Variants in GPR137B observed in about 807,000 individuals in gnomAD.
GPR137B encodes the protein G protein-coupled receptor 137B.
GPR137B carries 42 observed loss-of-function variants against 42.5 expected under a neutral mutation model. The observed-to-expected ratio is 0.99, with a 90% confidence interval of 0.77 to 1.28. GPR137B has a LOEUF of 1.28. Among genes scored for constraint, GPR137B ranks in the 50% most tolerant of loss-of-function variants. The pLI, the probability that GPR137B is intolerant of heterozygous loss-of-function variation, is 0.00. For missense variants in GPR137B, 487 were observed against 493.9 expected (o/e 0.99, Z 0.13); for synonymous variants, 218 against 209.7 (o/e 1.04, Z -0.34).
intron 1 of GPR137B, among the ~76,000 whole-genome samples, chr1:236,158,801 C>T (rs1238950270): frequency 1.3e-5 from 2 of 152,162 alleles, no homozygotes; most frequent in Non-Finnish European, 2.9e-5. Context: ...GAAGTGGAGA[C>T]ACTAGGGTGT....
rs535163022 is a variant in GPR137B, at chr1:236,202,571, A to T, written c.967-2555A>T. Among the ~76,000 whole-genome samples the T allele has an allele frequency of 3.3e-5, 5 of 152,162 alleles. No individual in the cohort carries two copies. The South Asian group carries it at 1.0e-3, about 32-fold the overall frequency. ...TTCTGTCTGTCCAAGTGGGAGCTGC[A>T]TGTAAGCCCTATCTCCTATCCACCA... On this transcript the variant is annotated intron_variant, in intron 5 of 6. Transcript: ENST00000366592.
In GPR137B at chr1:236,208,526, A is replaced by T; in HGVS notation, c.*368A>T. 2 of 948,084 alleles carry T rather than the reference A, an allele frequency of 2.1e-6. No homozygotes were observed. Among genetic ancestry groups the T allele is most frequent in the Non-Finnish European group, 2.5e-6 (2 of 790,304 alleles). The allele number at this position is 948,084 out of a possible 1,614,324, so 58.7% of individuals were successfully genotyped here. ...CAGACTTTTATGCATAATTCACTTT[A>T]AAAATATAGAATATATGGTCTAATA... On this transcript the variant is annotated 3_prime_UTR_variant, in exon 7 of 7. Coordinates refer to ENST00000366592, the MANE Select transcript of GPR137B (RefSeq NM_003272.4).
rs987122539 is a variant in GPR137B at position 236,205,197 on chromosome 1, T to A, written c.1038T>A (p.Tyr346Ter). ...ATTTCTTTGACAACCCTCGAAGATA[T>A]GACAGTGATGATGACCTTGCCTGGA... ...RSYFFDNPRR[Y>*]DSDDDLAWNI... Residue 346 changes from tyrosine to a stop codon, truncating the protein, a stop_gained, in exon 6 of 7, where the codon TAT becomes TAA. Coordinates refer to ENST00000366592, the MANE Select transcript of GPR137B (RefSeq NM_003272.4). LOFTEE classifies it high-confidence loss of function. The A allele has an allele frequency of 6.2e-7, 1 of 1,613,066 alleles. No individual in the cohort carries two copies. Among genetic ancestry groups the A allele is most frequent in the South Asian group, 1.1e-5 (1 of 91,026 alleles).
chr1:236,170,819 T>A (rs953815831), intron 2 of GPR137B, among the ~76,000 whole-genome samples: 1 of 151,948 alleles, frequency 6.6e-6, no homozygotes, highest in Non-Finnish European at 1.5e-5. Context: ...CTACTAAAAA[T>A]ACAGAAATTA....
At chr1:236,158,024 C>G (rs75545538) in intron 1 of GPR137B, among the ~76,000 whole-genome samples, 1 of 151,860 alleles carries the variant, frequency 6.6e-6, no homozygotes, top group Non-Finnish European at 1.5e-5. Context: ...GAAAGCCTGC[C>G]TAGCCATAAA....
intron 6 of GPR137B, among the ~76,000 whole-genome samples, chr1:236,206,438 G>A (rs1319008087): frequency 6.6e-6 from 1 of 152,142 alleles, no homozygotes; most frequent in Admixed American, 6.5e-5. Context: ...ATACTTTCAC[G>A]TGAGTTTTAA....
intron 5 of GPR137B, among the ~76,000 whole-genome samples, chr1:236,201,284 C>T (rs960364205): frequency 6.6e-6 from 1 of 152,006 alleles, no homozygotes; most frequent in African/African-American, 2.4e-5. Flanking sequence ...CAATTATTTT[C>T]CCAGGTGTTC....
At chr1:236,162,249 G>T (rs1373228279) in intron 1 of GPR137B, among the ~76,000 whole-genome samples, 1 of 152,190 alleles carries the variant, frequency 6.6e-6, no homozygotes, top group African/African-American at 2.4e-5. Context: ...CTGAACTTCA[G>T]AGAGATGATT....
chr1:236,166,738 A>C (rs1256455260), intron 1 of GPR137B, among the ~76,000 whole-genome samples: 2 of 152,004 alleles, frequency 1.3e-5, no homozygotes, highest in Admixed American at 1.3e-4. Context: ...TAATCCCAGC[A>C]CTTTGGGAGG....
chr1:236,184,898 C>T (rs1662978479), intron 5 of GPR137B, among the ~76,000 whole-genome samples: 1 of 152,090 alleles, frequency 6.6e-6, no homozygotes, highest in African/African-American at 2.4e-5. Flanking sequence ...TCCCAAGTAG[C>T]TGGGAATACA....
chr1:236,198,600 A>C (rs1218598991), intron 5 of GPR137B, among the ~76,000 whole-genome samples: 1 of 152,190 alleles, frequency 6.6e-6, no homozygotes, highest in East Asian at 1.9e-4. Flanking sequence ...ATCTGTGAGC[A>C]TGGGGGATGT....
chr1:236,152,394 C>G (rs1294938923), intron 1 of GPR137B, among the ~76,000 whole-genome samples: 1 of 151,720 alleles, frequency 6.6e-6, no homozygotes, highest in Non-Finnish European at 1.5e-5. Context: ...CTTGGGAGGT[C>G]AAGGCTGCAG....
At chr1:236,193,133 G>T (rs139011606) in intron 5 of GPR137B, among the ~76,000 whole-genome samples, 1,570 of 152,180 alleles carry the variant, frequency 0.01, 33 homozygotes, top group African/African-American at 0.036. Context: ...GAACTCAGGC[G>T]ATCCACCTGC....
chr1:236,184,019 G>T, intron 5 of GPR137B, 113 bp downstream of exon 5: 1 of 664,114 alleles, frequency 1.5e-6, no homozygotes, highest in Non-Finnish European at 2.5e-6. Flanking sequence ...TTTTGTGGTG[G>T]TATGAAAAGT....
intron 1 of GPR137B, among the ~76,000 whole-genome samples, chr1:236,157,818 G>A (rs1431781583): frequency 1.3e-5 from 2 of 152,124 alleles, no homozygotes; most frequent in Non-Finnish European, 2.9e-5. Flanking sequence ...TGCTGCCCAG[G>A]GGCCAACTGC....
At chr1:236,194,139 C>T (rs537739055) in intron 5 of GPR137B, among the ~76,000 whole-genome samples, 5 of 152,236 alleles carry the variant, frequency 3.3e-5, no homozygotes, top group African/African-American at 7.2e-5. Context: ...GTCAGCCATG[C>T]GATCATAGGG....
In GPR137B at chr1:236,173,412, GA is replaced by G. The variant is rs765753974; in HGVS notation, c.464+4658del. 1.9e-4 allele frequency among the ~76,000 whole-genome samples: 17 copies of G among 91,744 alleles called. No homozygotes were observed. The South Asian group carries it at 3.7e-3, about 20-fold the overall frequency. 60.2% of individuals were successfully genotyped at this position (91,744 alleles called of 152,430 possible). On this transcript the variant is annotated intron_variant, in intron 2 of 6. Coordinates refer to ENST00000366592, the MANE Select transcript of GPR137B (RefSeq NM_003272.4). ...AGACAGGTAGGGAAAGAGAGAGAGA[GA>G]GAGAGGAAGGAGGGAGGGAGGGAAG...
intron 1 of GPR137B, among the ~76,000 whole-genome samples, chr1:236,162,591 C>T (rs1274016872): frequency 1.3e-5 from 2 of 152,206 alleles, no homozygotes; most frequent in East Asian, 3.9e-4. Flanking sequence ...ATGCTGTGTG[C>T]AGCCTAGGGA....
At chr1:236,177,115 T>C (rs1662711106) in intron 2 of GPR137B, among the ~76,000 whole-genome samples, 1 of 152,000 alleles carries the variant, frequency 6.6e-6, no homozygotes, top group South Asian at 2.1e-4. Context: ...GTTCTGAAAG[T>C]TATGTGAGAG....
Sources: gnomAD v4.1 joint callset for allele counts (sites outside exome capture counted in the v4.1 genomes callset) on GRCh38, gnomAD v4.1.1 for gene constraint, MANE v1.5 for transcripts, NCBI Gene and HGNC (gene_info 2026-07-23, HGNC 2026-07-21) for gene names.